The following MUC3A variants were observed in gnomAD, a reference collection of about 807,000 sequenced individuals.
The protein encoded by MUC3A is mucin-3A.
In MUC3A, 109 loss-of-function variants were observed where a neutral mutation model predicts 109.0. The ratio of observed to expected loss-of-function variants is 1.00; its 90% confidence interval spans 0.86 to 1.17. MUC3A has a LOEUF of 1.17. Among genes scored for constraint, MUC3A ranks in the 50% most tolerant of loss-of-function variants. The probability of loss-of-function intolerance (pLI) is 0.00; values close to 1 mark genes in which losing one functional copy is unlikely to be tolerated. For missense variants in MUC3A, 3,537 were observed against 2,469.4 expected, an observed-to-expected ratio of 1.43 and a Z score of -9.16; for synonymous variants, 1,398 against 981.4, an observed-to-expected ratio of 1.42 and a Z score of -7.93.
Position 100,957,463 on chromosome 7 carries a change from C to T in MUC3A, c.5684C>T (p.Thr1895Met), listed in dbSNP as rs1445684084. 4.3e-6 allele frequency: 4 copies of T among 939,062 alleles called. No individual in the cohort carries two copies. Among genetic ancestry groups the T allele is most frequent in the Admixed American group, 1.3e-4 (1 of 7,814 alleles). 58.2% of individuals were successfully genotyped at this position (939,062 alleles called of 1,614,324 possible). A position where few individuals can be genotyped will look rare whatever the true frequency, so the allele number is the denominator to read the frequency against. ...GTTCCAACAACAAACTTGGTAACCACGACCACCAAGATCACCTCACACAGT... is the reference window on the plus strand; with the variant it reads ...GTTCCAACAACAAACTTGGTAACCATGACCACCAAGATCACCTCACACAGT... The part of the protein sequence containing the change: ...ATVPTTNLVT[T>M]TTKITSHSTP... The change falls in exon 2 of 12, where the codon ACG becomes ATG. Residue 1895 changes from threonine to methionine, a missense_variant. Coordinates refer to ENST00000379458, the MANE Select transcript of MUC3A (RefSeq NM_005960.2).
Position 100,958,939 on chromosome 7 carries a change from A to G in MUC3A, c.7160A>G (p.His2387Arg). 2 of 1,447,070 alleles carry G rather than the reference A, an allele frequency of 1.4e-6. No homozygotes were observed. The highest frequency in any genetic ancestry group is 1.8e-6 in the Non-Finnish European group (2 of 1,104,582). 89.6% of individuals were successfully genotyped at this position (1,447,070 alleles called of 1,614,324 possible). The stretch of plus-strand genomic sequence containing the variant: ...ATCACCACCACTGAGACCCCCTTAC[A>G]CAGTACTCCTGGCCTCACTTCGTGG... ...SSITTTETPL[H>R]STPGLTSWVT... is the part of the protein sequence containing the mutation. The change falls in exon 2 of 12, where the codon CAC becomes CGC. Residue 2387 changes from histidine to arginine, a missense_variant. His to Arg is a conservative substitution (Grantham distance 29). Transcript: ENST00000379458.
At chr7:100,963,980 G>A (rs1792432974) in intron 5 of MUC3A, 1 of 654,520 alleles carries the variant, frequency 1.5e-6, no homozygotes, top group African/African-American at 1.8e-5. Flanking sequence ...AGAAGTTGCA[G>A]GGACATGTGG....
chr7:100,952,035 C>A lies in MUC3A; in HGVS notation c.256C>A (p.Leu86Ile). Residue 86 changes from leucine (L) to isoleucine (I), a missense_variant, in exon 2 of 12, where the codon CTC becomes ATC. Coordinates refer to ENST00000379458, the MANE Select transcript of MUC3A (RefSeq NM_005960.2). ...MTLTTSPHDT[L>I]ISETLLNSPV... ...ACTCACTACCTCCCCCCATGACACACTCATCTCTGAAACATTGCTCAACTC... is the reference window on the plus strand; with the variant it reads ...ACTCACTACCTCCCCCCATGACACAATCATCTCTGAAACATTGCTCAACTC... 1 of 1,598,678 alleles carries A rather than the reference C, an allele frequency of 6.3e-7. No homozygotes were observed. Among genetic ancestry groups the A allele is most frequent in the South Asian group, 1.1e-5 (1 of 91,092 alleles).
At position 100,959,429 on chromosome 7, in the gene MUC3A, T is replaced by G. The variant is rs749479788; in HGVS notation, c.7650T>G (p.Thr2550=). Residue 2550 remains threonine, a synonymous_variant, in exon 2 of 12, where the codon ACT becomes ACG. Transcript: ENST00000379458. ...LVGTTSPTMS[T]VRMTLRITEN... The stretch of plus-strand genomic sequence containing the variant: ...GCACCACCTCTCCCACCATGTCCAC[T>G]GTGAGAATGACCCTCAGAATTACTG... The G allele has an allele frequency of 1.3e-6, 2 of 1,542,012 alleles. No homozygotes were observed. Among genetic ancestry groups the G allele is most frequent in the East Asian group, 4.5e-5 (2 of 44,684 alleles).
In MUC3A at chr7:100,959,141, A is replaced by G. The variant is rs762126579; in HGVS notation, c.7362A>G (p.Thr2454=). 1 of 1,591,446 alleles carries G rather than the reference A, an allele frequency of 6.3e-7. No homozygotes were observed. The highest frequency in any genetic ancestry group is 8.5e-7 in the Non-Finnish European group (1 of 1,177,122). ...CAACCATCTACTCCACAGTCAGCAC[A>G]TCCACAACTGCCATCACCTCACATT... ...SSSTIYSTVS[T]STTAITSHFT... Residue 2454 remains threonine, a synonymous_variant, in exon 2 of 12, where the codon ACA becomes ACG. Transcript: ENST00000379458.
Position 100,957,914 on chromosome 7 carries a change from T to G in MUC3A, c.6135T>G (p.Ser2045=). The G allele has an allele frequency of 4.8e-6, 2 of 415,538 alleles. No homozygotes were observed. Among genetic ancestry groups the G allele is most frequent in the Non-Finnish European group, 3.9e-6 (1 of 254,424 alleles). The allele number at this position is 415,538 out of a possible 1,614,324, so 25.7% of individuals were successfully genotyped here. A position where few individuals can be genotyped will look rare whatever the true frequency, so the allele number is the denominator to read the frequency against. The part of the protein sequence containing the change: ...TTSHSTPSFT[S]SITTETTSHS... ...CCCATAGTACTCCCAGCTTCACTTCTTCGATCACCACCGAGACCACATCCC... is the reference window on the plus strand; with the variant it reads ...CCCATAGTACTCCCAGCTTCACTTCGTCGATCACCACCGAGACCACATCCC... Residue 2045 remains serine (S), a synonymous_variant, in exon 2 of 12, where the codon TCT becomes TCG. Coordinates refer to ENST00000379458, the MANE Select transcript of MUC3A (RefSeq NM_005960.2).
In MUC3A at chr7:100,960,921, G is replaced by T. The variant is rs1792306252; in HGVS notation, c.9036G>T (p.Val3012=). Residue 3012 remains valine, a synonymous_variant, in exon 3 of 12, where the codon GTG becomes GTT. Transcript: ENST00000379458. ...TFYGSSCEFA[V]EQVDLDVVET... is the part of the protein sequence containing the mutation. ...ATGGTTCCAGTTGTGAGTTTGCTGT[G>T]GAACAGGTGGATCTAGGTGAGTTGC... 6.3e-7 allele frequency: 1 copy of T among 1,598,540 alleles called. No individual in the cohort carries two copies. Among genetic ancestry groups the T allele is most frequent in the African/African-American group, 1.3e-5 (1 of 75,086 alleles).
At chr7:100,962,469 T>C (rs1244996941) in intron 3 of MUC3A, among the ~76,000 whole-genome samples, 1 of 152,308 alleles carries the variant, frequency 6.6e-6, no homozygotes, top group East Asian at 1.9e-4. Context: ...TCTGCACCCT[T>C]GATCCTCCCT....
intron 3 of MUC3A, 141 bp downstream of exon 3, chr7:100,961,078 T>G (rs1398927786): frequency 1.4e-5 from 22 of 1,528,532 alleles, no homozygotes; most frequent in South Asian, 1.2e-4. Flanking sequence ...TCCCATGCCC[T>G]CCGCTGCCCT....
chr7:100,963,979 A>G, intron 5 of MUC3A: 1 of 661,728 alleles, frequency 1.5e-6, no homozygotes, highest in Non-Finnish European at 2.6e-6. Flanking sequence ...GAGAAGTTGC[A>G]GGGACATGTG....
At position 100,963,729 on chromosome 7, in the gene MUC3A, G is replaced by T; in HGVS notation, c.9210G>T (p.Lys3070Asn). ...CAGACATGCAGGGCTTCACCTTCAA[G>T]GGTGTGGAGATCCTGTCCCTGAGGT... ...IFADMQGFTFKGVEILSLRNG... is the reference protein window; with the variant it reads ...IFADMQGFTFNGVEILSLRNG... Residue 3070 changes from lysine (K) to asparagine (N), a missense_variant, in exon 5 of 12, where the codon AAG (lysine) becomes AAT (asparagine). Lys to Asn is a moderately conservative substitution (Grantham distance 94). Coordinates refer to ENST00000379458, the MANE Select transcript of MUC3A (RefSeq NM_005960.2). 1 of 1,598,564 alleles carries T rather than the reference G, an allele frequency of 6.3e-7. No homozygotes were observed. Among genetic ancestry groups the T allele is most frequent in the Non-Finnish European group, 8.5e-7 (1 of 1,179,832 alleles).
intron 3 of MUC3A, among the ~76,000 whole-genome samples, chr7:100,962,570 C>T (rs1362756628): frequency 6.6e-6 from 1 of 152,310 alleles, no homozygotes; most frequent in East Asian, 1.9e-4. Flanking sequence ...CACAGGCTGA[C>T]CGCTATCTTT....
intron 2 of MUC3A, 53 bp downstream of exon 2, chr7:100,960,698 T>TGTG: frequency 6.3e-7 from 1 of 1,592,948 alleles, no homozygotes; most frequent in Non-Finnish European, 8.5e-7. Context: ...AAAATTCCTG[T>TGTG]GTCACTGAGG....
chr7:100,959,140 C>G lies in MUC3A; in HGVS notation c.7361C>G (p.Thr2454Arg), dbSNP rs368098028. The G allele has an allele frequency of 6.3e-7, 1 of 1,590,782 alleles. No individual in the cohort carries two copies. Among genetic ancestry groups the G allele is most frequent in the South Asian group, 1.1e-5 (1 of 90,706 alleles). ...SSSTIYSTVS[T>R]STTAITSHFT... ...TCAACCATCTACTCCACAGTCAGCA[C>G]ATCCACAACTGCCATCACCTCACAT... Residue 2454 changes from threonine (T) to arginine (R), a missense_variant, in exon 2 of 12, where the codon ACA becomes AGA. Transcript: ENST00000379458.
At position 100,952,483 on chromosome 7, in the gene MUC3A, G is replaced by C; in HGVS notation, c.704G>C (p.Ser235Thr). The part of the protein sequence containing the change: ...TTERTPLPTG[S>T]IHTTTSPTPV... Reference sequence around the variant, plus strand: ...GAAAGGACTCCCCTGCCCACTGGAAGCATCCATACAACCACGTCCCCAACC... The same window carrying C: ...GAAAGGACTCCCCTGCCCACTGGAACCATCCATACAACCACGTCCCCAACC... Residue 235 changes from serine (S) to threonine (T), a missense_variant, in exon 2 of 12, where the codon AGC (serine) becomes ACC (threonine). Physicochemically the swap from Ser to Thr is moderately conservative, Grantham distance 58 (BLOSUM62 1). Transcript: ENST00000379458. 1 of 1,598,486 alleles carries C rather than the reference G, an allele frequency of 6.3e-7. No homozygotes were observed. The highest frequency in any genetic ancestry group is 2.2e-5 in the East Asian group (1 of 44,890).
chr7:100,956,706 A>G lies in MUC3A; in HGVS notation c.4927A>G (p.Thr1643Ala). ...ATTPSGGPTF[T>A]STENTPTRSL... ...CACTCCCAGTGGAGGACCAACTTTC[A>G]CAAGTACTGAGAACACTCCAACAAG... The change falls in exon 2 of 12, where the codon ACA becomes GCA. Residue 1643 changes from threonine (T) to alanine (A), a missense_variant. Thr to Ala is a moderately conservative substitution (Grantham distance 58, BLOSUM62 0). Coordinates refer to ENST00000379458, the MANE Select transcript of MUC3A (RefSeq NM_005960.2). 2.4e-6 allele frequency: 1 copy of G among 418,182 alleles called. No homozygotes were observed. Among genetic ancestry groups the G allele is most frequent in the Non-Finnish European group, 4.2e-6 (1 of 239,440 alleles). The allele number at this position is 418,182 out of a possible 1,614,324, so 25.9% of individuals were successfully genotyped here.
At chr7:100,949,804 C>G in intron 1 of MUC3A, 119 bp downstream of exon 1, 1 of 1,018,716 alleles carries the variant, frequency 9.8e-7, no homozygotes, top group Non-Finnish European at 1.4e-6. Context: ...CCGCTTGGGG[C>G]TCTGGGTGCA....
Position 100,952,782 on chromosome 7 carries a change from A to C in MUC3A, c.1003A>C (p.Thr335Pro), listed in dbSNP as rs765439815. 15 of 1,555,800 alleles carry C rather than the reference A, an allele frequency of 9.6e-6. No individual in the cohort carries two copies. In the South Asian group the frequency reaches 1.7e-4, roughly 18 times the overall value. Residue 335 changes from threonine (T) to proline (P), a missense_variant, in exon 2 of 12, where the codon ACC becomes CCC. Thr to Pro is a conservative substitution (Grantham distance 38). Coordinates refer to ENST00000379458, the MANE Select transcript of MUC3A (RefSeq NM_005960.2). ...CAGGTCTACACCTACATCTGAGACC[A>C]CCTACACTACTTCTCCCACCAGCAC... ...ISRSTPTSET[T>P]YTTSPTSTVT...
At position 100,960,496 on chromosome 7, in the gene MUC3A, C is replaced by T. The variant is rs777595001; in HGVS notation, c.8717C>T (p.Ser2906Leu). The T allele has an allele frequency of 6.3e-7, 1 of 1,598,700 alleles. No homozygotes were observed. The highest frequency in any genetic ancestry group is 8.5e-7 in the Non-Finnish European group (1 of 1,179,824). Residue 2906 changes from serine (S) to leucine (L), a missense_variant, in exon 2 of 12, where the codon TCA (serine) becomes TTA (leucine). Transcript: ENST00000379458. ...SSSLPTILRTSSKSTHPSPPT... is the reference protein window; with the variant it reads ...SSSLPTILRTLSKSTHPSPPT... Reference sequence around the variant, plus strand: ...AGCCTCCCGACCATCCTGAGGACTTCAAGCAAGTCAACACACCCCTCCCCA... The same window carrying T: ...AGCCTCCCGACCATCCTGAGGACTTTAAGCAAGTCAACACACCCCTCCCCA...
Sources: allele counts gnomAD v4.1 joint callset (sites outside exome capture counted in the v4.1 genomes callset), GRCh38; gene constraint gnomAD v4.1.1; transcripts MANE v1.5; gene names NCBI Gene and HGNC (gene_info 2026-07-23, HGNC 2026-07-21).